The following SLC25A26 variants were observed in gnomAD, a reference collection of about 807,000 sequenced individuals.
SLC25A26 encodes the protein solute carrier family 25 member 26.
Under a neutral mutation model 37.8 loss-of-function variants are expected in SLC25A26, and 36 were observed. The observed-to-expected ratio is 0.95, with a 90% CI of 0.73 to 1.26. The LOEUF is 1.26. Among genes scored for constraint, SLC25A26 ranks in the 50% most tolerant of loss-of-function variants. The pLI, the probability that SLC25A26 is intolerant of heterozygous loss-of-function variation, is 0.00. For missense variants in SLC25A26, 390 were observed against 331.1 expected (o/e 1.18, Z -1.38); for synonymous variants, 129 against 122.5 (o/e 1.05, Z -0.35).
intron 1 of SLC25A26, among the ~76,000 whole-genome samples, chr3:66,232,884 G>A (rs1162066507): frequency 6.6e-6 from 1 of 152,236 alleles, no homozygotes; most frequent in African/African-American, 2.4e-5. Context: ...GAGCACTGCA[G>A]GGAGAATGAA....
At chr3:66,324,797 G>GTGT (rs1553695582) in intron 5 of SLC25A26, among the ~76,000 whole-genome samples, 2 of 147,204 alleles carry the variant, frequency 1.4e-5, no homozygotes, top group East Asian at 2.0e-4. Flanking sequence ...GTAAGCACAG[G>GTGT]TTTTTTTTTT....
chr3:66,231,730 A>G (rs1160216521), intron 1 of SLC25A26, among the ~76,000 whole-genome samples: 2 of 150,076 alleles, frequency 1.3e-5, no homozygotes, highest in East Asian at 2.0e-4. Flanking sequence ...AATATAGTGT[A>G]TGTTTCTGTG....
intron 9 of SLC25A26, among the ~76,000 whole-genome samples, chr3:66,372,145 C>T (rs1700380484): frequency 6.6e-6 from 1 of 152,200 alleles, no homozygotes; most frequent in Non-Finnish European, 1.5e-5. Flanking sequence ...AATTGGGCTA[C>T]ATACATGGAG....
At chr3:66,275,158 A>T (rs1178823526) in intron 5 of SLC25A26, among the ~76,000 whole-genome samples, 1 of 149,862 alleles carries the variant, frequency 6.7e-6, no homozygotes, top group Non-Finnish European at 1.5e-5. Context: ...AGGACAAAAA[A>T]CCAAACACGG....
chr3:66,151,962 T>A (rs758919168), intron 1 of SLC25A26, among the ~76,000 whole-genome samples: 1 of 152,220 alleles, frequency 6.6e-6, no homozygotes, highest in Non-Finnish European at 1.5e-5. Context: ...CTTTGTAGAA[T>A]GAGTGAAAGA....
rs551667192 is a variant in SLC25A26 at position 66,144,501 on chromosome 3, A to G, written c.-354+10517A>G. 6.6e-5 allele frequency among the ~76,000 whole-genome samples: 10 copies of G among 152,320 alleles called. No homozygotes were observed. In the East Asian group the frequency reaches 7.7e-4, roughly 12 times the overall value. ...ACTGGGTACAATTTATTTTGCATCA[A>G]CTGAGAACACAGAGTATCTGTCAGA... On this transcript the variant is annotated intron_variant, in intron 1 of 10. Transcript: ENST00000676754.
chr3:66,273,196 A>G (rs2074014953), intron 5 of SLC25A26, among the ~76,000 whole-genome samples: 1 of 152,116 alleles, frequency 6.6e-6, no homozygotes, highest in Non-Finnish European at 1.5e-5. Context: ...TCGGTTTGCC[A>G]GTATTTTATT....
intron 5 of SLC25A26, among the ~76,000 whole-genome samples, chr3:66,341,274 A>G (rs1169892631): frequency 6.6e-6 from 1 of 152,110 alleles, no homozygotes; most frequent in East Asian, 1.9e-4. Context: ...TTTGATGAGC[A>G]TTTTTATCAT....
At chr3:66,358,855 A>T (rs1248766875) in intron 6 of SLC25A26, among the ~76,000 whole-genome samples, 1 of 152,174 alleles carries the variant, frequency 6.6e-6, no homozygotes, top group Non-Finnish European at 1.5e-5. Flanking sequence ...GAATTACATG[A>T]GCTGATGTAT....
chr3:66,250,390 C>T lies in SLC25A26; in HGVS notation c.300+7078C>T, dbSNP rs1035457151. Among the ~76,000 whole-genome samples the T allele has an allele frequency of 3.9e-5, 6 of 152,174 alleles. No homozygotes were observed. The South Asian group carries it at 6.2e-4, about 16-fold the overall frequency. On this transcript the variant is annotated intron_variant, in intron 3 of 9. Coordinates refer to ENST00000354883, the MANE Select transcript of SLC25A26 (RefSeq NM_001379210.1). ...CATTTTTAAGAAAAGGAACTATAGACGGTCCGTGACTTACGATGGTTCTAC... is the reference window on the plus strand; with the variant it reads ...CATTTTTAAGAAAAGGAACTATAGATGGTCCGTGACTTACGATGGTTCTAC...
chr3:66,294,443 T>A (rs888914721), intron 5 of SLC25A26, among the ~76,000 whole-genome samples: 1 of 152,190 alleles, frequency 6.6e-6, no homozygotes, highest in Non-Finnish European at 1.5e-5. Context: ...TTTCTAGATA[T>A]ATGATCATGT....
At chr3:66,375,075 C>T (rs1192628522) in intron 9 of SLC25A26, among the ~76,000 whole-genome samples, 2 of 152,154 alleles carry the variant, frequency 1.3e-5, no homozygotes, top group Non-Finnish European at 1.5e-5. Context: ...GTAACAGCCT[C>T]ATTGCACATA....
intron 5 of SLC25A26, among the ~76,000 whole-genome samples, chr3:66,339,213 C>A (rs893734342): frequency 1.2e-4 from 19 of 152,048 alleles, no homozygotes; most frequent in Admixed American, 1.2e-3. Context: ...GCTTATGTTA[C>A]TGATCTTCCT....
In SLC25A26 at chr3:66,156,606, A is replaced by G. The variant is rs148567519; in HGVS notation, c.-354+22622A>G. Among the ~76,000 whole-genome samples, 347 of 152,288 alleles carry G rather than the reference A, an allele frequency of 2.3e-3. 5 individuals carry two copies. The highest frequency in any genetic ancestry group is 4.1e-4 in the Non-Finnish European group (28 of 68,026). On this transcript the variant is annotated intron_variant, in intron 1 of 10. Coordinates refer to the SLC25A26 transcript ENST00000676754. The stretch of plus-strand genomic sequence containing the variant: ...CAGAATGTTCCTTGCAATTCTCCTT[A>G]TGCTTGTCATGATGTAGGGGATAAT...
intron 7 of SLC25A26, among the ~76,000 whole-genome samples, chr3:66,363,856 T>C (rs1368558178): frequency 6.6e-6 from 1 of 152,202 alleles, no homozygotes; most frequent in Non-Finnish European, 1.5e-5. Context: ...GAATTGATAA[T>C]CAACAATAAG....
In SLC25A26 at chr3:66,275,290, A is replaced by T. The variant is rs147742193; in HGVS notation, c.453+11911A>T. On this transcript the variant is annotated intron_variant, in intron 5 of 9. Transcript: ENST00000354883. The stretch of plus-strand genomic sequence containing the variant: ...GAGGAGGGATAGCATTAGGAGATAC[A>T]TCTAATGCTAAATGATGAGTTAATG... 2.9e-3 allele frequency among the ~76,000 whole-genome samples: 445 copies of T among 151,402 alleles called. 3 individuals are homozygous for T. Among genetic ancestry groups the T allele is most frequent in the Non-Finnish European group, 4.7e-3 (316 of 67,784 alleles).
At chr3:66,209,414 T>A (rs2071243071) in intron 1 of SLC25A26, among the ~76,000 whole-genome samples, 1 of 140,768 alleles carries the variant, frequency 7.1e-6, no homozygotes, top group East Asian at 2.1e-4. Context: ...TGTGTATATG[T>A]ATATATATCT....
intron 3 of SLC25A26, among the ~76,000 whole-genome samples, chr3:66,243,979 G>T (rs1033128388): frequency 6.6e-6 from 1 of 152,086 alleles, no homozygotes; most frequent in Non-Finnish European, 1.5e-5. Flanking sequence ...GTGACTTCCA[G>T]TCTGTCCTTG....
chr3:66,137,915 C>A (rs1161440616), intron 1 of SLC25A26, among the ~76,000 whole-genome samples: 1 of 152,132 alleles, frequency 6.6e-6, no homozygotes, highest in African/African-American at 2.4e-5. Flanking sequence ...CTCTCTGCCA[C>A]CTCTGCCTCC....
Sources: gnomAD v4.1 joint callset for allele counts (sites outside exome capture counted in the v4.1 genomes callset) on GRCh38, gnomAD v4.1.1 for gene constraint, MANE v1.5 for transcripts, NCBI Gene and HGNC (gene_info 2026-07-23, HGNC 2026-07-21) for gene names.